NFASC: variants seen among roughly 807,000 people sequenced by gnomAD.
NFASC encodes neurofascin homolog.
In NFASC, 43 loss-of-function variants were observed where a neutral mutation model predicts 147.5. That is an observed-to-expected ratio of 0.29 (90% CI 0.23 to 0.38). NFASC has a LOEUF of 0.38. Among genes scored for constraint, NFASC ranks in the 10% least tolerant of loss-of-function variants. The pLI is 1.00. For missense variants in NFASC, 1,320 were observed against 1,689.0 expected, an observed-to-expected ratio of 0.78 and a Z score of 3.83; for synonymous variants, 622 against 665.5, an observed-to-expected ratio of 0.93 and a Z score of 1.01.
In NFASC at chr1:204,828,800, C is replaced by T. The variant is rs1478310154; in HGVS notation, c.-200+18C>T. On this transcript the variant is annotated intron_variant, in intron 1 of 29. Coordinates refer to ENST00000339876, the MANE Select transcript of NFASC (RefSeq NM_001005388.3). Reference sequence around the variant, plus strand: ...CCTTGGAGGTAGGCGAGCGCGAACACCGGAGAGATGGGGGTAGAGAGTCAT... The same window carrying T: ...CCTTGGAGGTAGGCGAGCGCGAACATCGGAGAGATGGGGGTAGAGAGTCAT... 4 of 985,196 alleles carry T rather than the reference C, an allele frequency of 4.1e-6. No individual in the cohort carries two copies. Among genetic ancestry groups the T allele is most frequent in the East Asian group, 2.3e-4 (2 of 8,796 alleles). 61.0% of individuals were successfully genotyped at this position (985,196 alleles called of 1,614,324 possible).
intron 26 of NFASC, among the ~76,000 whole-genome samples, chr1:205,002,137 TG>T (rs1277292089): frequency 6.6e-6 from 1 of 152,160 alleles, no homozygotes; most frequent in African/African-American, 2.4e-5. Flanking sequence ...ATTCACCACA[TG>T]GTGAGAAATG....
At chr1:205,005,464 C>A (rs186489677) in intron 27 of NFASC, among the ~76,000 whole-genome samples, 10 of 152,136 alleles carry the variant, frequency 6.6e-5, no homozygotes, top group Non-Finnish European at 1.3e-4. Context: ...GGGGGCCGGA[C>A]GAGAGGATGC....
At chr1:204,977,438 G>A (rs934509724) in intron 16 of NFASC, among the ~76,000 whole-genome samples, 1 of 152,188 alleles carries the variant, frequency 6.6e-6, no homozygotes, top group African/African-American at 2.4e-5. Context: ...GAGAGGGTGG[G>A]CCCAGACACG....
intron 1 of NFASC, among the ~76,000 whole-genome samples, chr1:204,906,902 C>T (rs2086106169): frequency 6.6e-6 from 1 of 152,228 alleles, no homozygotes; most frequent in East Asian, 1.9e-4. Flanking sequence ...CCAGGATGGT[C>T]TGCATCTCCT....
Position 204,895,082 on chromosome 1 carries a change from C to A in NFASC, c.-199-25550C>A, listed in dbSNP as rs544108417. 3.3e-5 allele frequency among the ~76,000 whole-genome samples: 5 copies of A among 152,234 alleles called. No homozygotes were observed. The East Asian group carries it at 9.6e-4, about 29-fold the overall frequency. ...TTGCATAGTTTAAAAAAACTGAAAA[C>A]CTCTAGTCTAACATTCCAAATGTTC... On this transcript the variant is annotated intron_variant, in intron 1 of 29. Transcript: ENST00000339876.
chr1:204,971,040 C>T (rs12077968), intron 11 of NFASC, among the ~76,000 whole-genome samples: 2,131 of 152,200 alleles, frequency 0.014, 49 homozygotes, highest in African/African-American at 0.048. Flanking sequence ...TGAACAACTT[C>T]AGAGCCCAGT....
intron 1 of NFASC, among the ~76,000 whole-genome samples, chr1:204,910,796 G>T (rs1176922261): frequency 2.0e-5 from 3 of 151,336 alleles, no homozygotes; most frequent in Non-Finnish European, 1.5e-5. Context: ...GAGCCACTTT[G>T]CCTGGCCTCA....
intron 16 of NFASC, 127 bp downstream of exon 16, chr1:204,976,922 C>A: frequency 6.9e-7 from 1 of 1,454,334 alleles, no homozygotes; most frequent in Non-Finnish European, 9.1e-7. Context: ...GCGTGGTGAT[C>A]TCTTCTTGCC....
rs112327846 is a variant in NFASC, at chr1:204,914,264, T to C, written c.-199-6368T>C. Among the ~76,000 whole-genome samples the C allele has an allele frequency of 4.7e-3, 722 of 152,292 alleles. 11 individuals are homozygous for C. The highest frequency in any genetic ancestry group is 0.016 in the African/African-American group (682 of 41,552). On this transcript the variant is annotated intron_variant, in intron 1 of 29. Transcript: ENST00000339876. ...CCCAAATCTCATCTTGAATTGTAGTTCCCATAATCCCCATATGTAGTGGGA... is the reference window on the plus strand; with the variant it reads ...CCCAAATCTCATCTTGAATTGTAGTCCCCATAATCCCCATATGTAGTGGGA...
At position 204,963,882 on chromosome 1, in the gene NFASC, T is replaced by C. The variant is rs529361346; in HGVS notation, c.707-4367T>C. On this transcript the variant is annotated intron_variant, in intron 8 of 29. Transcript: ENST00000339876. The stretch of plus-strand genomic sequence containing the variant: ...GAAAAGTGCCCAGGGCATCTGTCTG[T>C]TTGGCTCTGAAATATGGCACGTCTC... 2.6e-5 allele frequency among the ~76,000 whole-genome samples: 4 copies of C among 152,330 alleles called. 1 individual carries two copies. Among genetic ancestry groups the C allele is most frequent in the African/African-American group, 9.6e-5 (4 of 41,590 alleles).
chr1:204,831,328 C>A (rs2102334639), intron 1 of NFASC, among the ~76,000 whole-genome samples: 1 of 151,268 alleles, frequency 6.6e-6, no homozygotes, highest in Non-Finnish European at 1.5e-5. Context: ...TTGTACCTAG[C>A]CAGCTCCCTG....
intron 23 of NFASC, 77 bp downstream of exon 23, chr1:204,988,883 G>A: frequency 7.1e-7 from 1 of 1,406,136 alleles, no homozygotes; most frequent in Non-Finnish European, 1.0e-6. Flanking sequence ...GAGATCTGTA[G>A]CTGGCTGCCT....
chr1:204,904,462 G>A (rs540474997), intron 1 of NFASC, among the ~76,000 whole-genome samples: 1 of 152,274 alleles, frequency 6.6e-6, no homozygotes, highest in South Asian at 2.1e-4. Context: ...AATGTTGGAA[G>A]GATTAAAAGG....
intron 29 of NFASC, among the ~76,000 whole-genome samples, chr1:205,013,998 T>C (rs1337227660): frequency 6.6e-6 from 1 of 152,144 alleles, no homozygotes; most frequent in African/African-American, 2.4e-5. Context: ...CCTTCCCATC[T>C]TCCCTGGCAG....
intron 15 of NFASC, among the ~76,000 whole-genome samples, chr1:204,976,319 G>A (rs532151413): frequency 4.4e-4 from 67 of 152,318 alleles, no homozygotes; most frequent in African/African-American, 1.5e-3. Flanking sequence ...AGAGGAGAAG[G>A]AATACCAACC....
At chr1:204,899,307 T>C (rs969377486) in intron 1 of NFASC, among the ~76,000 whole-genome samples, 5 of 152,200 alleles carry the variant, frequency 3.3e-5, no homozygotes, top group Admixed American at 2.6e-4. Flanking sequence ...AACAGCAACG[T>C]CCTCTTCATT....
rs533649688 is a variant in NFASC at position 204,979,592 on chromosome 1, G to A, written c.2176+33G>A. 65 of 1,595,406 alleles carry A rather than the reference G, an allele frequency of 4.1e-5. No individual in the cohort carries two copies. The Admixed American group carries it at 4.5e-4, about 11-fold the overall frequency. On this transcript the variant is annotated intron_variant, in intron 19 of 29. Coordinates refer to ENST00000339876, the MANE Select transcript of NFASC (RefSeq NM_001005388.3). This position sits in a 1 kb window ranked among gnomAD's most constrained non-coding sequence, Gnocchi z 6.0. Reference sequence around the variant, plus strand: ...CCCGAGGGCTGCCAGAGAAGGCTCCGGAACCCCGCACCCCAAACTCACACT... The same window carrying A: ...CCCGAGGGCTGCCAGAGAAGGCTCCAGAACCCCGCACCCCAAACTCACACT...
intron 21 of NFASC, chr1:204,984,382 C>CATATATATATATATATATATATATAT (rs55787898): frequency 7.5e-6 from 1 of 134,082 alleles, no homozygotes; most frequent in African/African-American, 3.0e-5. Flanking sequence ...TATATATACG[C>CATATATATATATATATATATATATAT]ATATATATAT....
intron 2 of NFASC, among the ~76,000 whole-genome samples, chr1:204,921,304 C>A (rs1558107006): frequency 6.6e-6 from 1 of 152,214 alleles, no homozygotes; most frequent in Non-Finnish European, 1.5e-5. Flanking sequence ...TACTCTCAGG[C>A]CCTGGTAGCC....
Sources: gnomAD v4.1 joint callset for allele counts (sites outside exome capture counted in the v4.1 genomes callset) on GRCh38, gnomAD v4.1.1 for gene constraint, Gnocchi (gnomAD v3.1) non-coding constraint, MANE v1.5 for transcripts, NCBI Gene and HGNC (gene_info 2026-07-23, HGNC 2026-07-21) for gene names.